Variants in ZAN observed in about 807,000 individuals in gnomAD.
The protein encoded by ZAN is zonadhesin (gene/pseudogene).
ZAN carries 260 observed loss-of-function variants against 286.2 expected under a neutral mutation model. That is an observed-to-expected ratio of 0.91 (90% CI 0.82 to 1.01). The LOEUF (loss-of-function observed/expected upper bound fraction) is 1.01. Ranked by LOEUF, ZAN falls within the 50% of genes least tolerant of loss-of-function variation. The pLI, the probability that ZAN is intolerant of heterozygous loss-of-function variation, is 0.00. For missense variants in ZAN, 3,410 were observed against 3,639.2 expected (o/e 0.94, Z 1.62); for synonymous variants, 1,368 against 1,417.5 (o/e 0.97, Z 0.79).
chr7:100,791,053 T>TCAA lies in ZAN; in HGVS notation c.7472_7474dup (p.Asn2491dup). 1 of 1,612,952 alleles carries TCAA rather than the reference T, an allele frequency of 6.2e-7. No homozygotes were observed. Among genetic ancestry groups the TCAA allele is most frequent in the African/African-American group, 1.3e-5 (1 of 74,886 alleles). ...CCCAGTGGCGCCCTGACCCAGAACC[T>TCAA]CAACACCTTTGGCAACAGCTGGGAG... On this transcript the variant is annotated inframe_insertion, in exon 40 of 48. Coordinates refer to ENST00000613979, the MANE Select transcript of ZAN (RefSeq NM_003386.3).
rs79558495 is a variant in ZAN at position 100,767,812 on chromosome 7, G to A, written c.4861-19G>A. On this transcript the variant is annotated intron_variant, in intron 25 of 47. Transcript: ENST00000613979. Reference sequence around the variant, plus strand: ...GTTCTTTCCTGACTCTCCTTTCTACGTCCTCCCTGCCTCTGCAGCTGAATG... The same window carrying A: ...GTTCTTTCCTGACTCTCCTTTCTACATCCTCCCTGCCTCTGCAGCTGAATG... 0.041 allele frequency: 65,099 copies of A among 1,603,394 alleles called. 1,734 individuals carry two copies. Among genetic ancestry groups the A allele is most frequent in the Middle Eastern group, 0.12 (733 of 6,014 alleles).
At chr7:100,769,858 G>T in intron 27 of ZAN, 22 bp from the exon 28 acceptor site, 1 of 1,550,826 alleles carries the variant, frequency 6.4e-7, no homozygotes, top group East Asian at 2.4e-5. Flanking sequence ...GTAGCCCTCA[G>T]TTTCTATTCT....
At chr7:100,761,160 T>C (rs893622946) in intron 19 of ZAN, among the ~76,000 whole-genome samples, 6 of 152,084 alleles carry the variant, frequency 3.9e-5, no homozygotes, top group African/African-American at 1.4e-4. Context: ...TCCCAAAGTC[T>C]TGGAATTACA....
intron 4 of ZAN, 27 bp downstream of exon 4, chr7:100,736,656 C>T (rs1247797647): frequency 2.0e-6 from 3 of 1,518,452 alleles, no homozygotes; most frequent in Admixed American, 3.5e-5. Flanking sequence ...TCCAGGGGAC[C>T]ATGAGCAGGG....
At chr7:100,795,061 C>G in intron 44 of ZAN, 135 bp from the exon 45 acceptor site, 1 of 1,155,092 alleles carries the variant, frequency 8.7e-7, no homozygotes, top group Non-Finnish European at 1.2e-6. Flanking sequence ...GGTTGGGAGC[C>G]AGGCTGGCTG....
chr7:100,772,651 C>G (rs1206580697), intron 29 of ZAN, among the ~76,000 whole-genome samples: 3 of 151,702 alleles, frequency 2.0e-5, no homozygotes, highest in Non-Finnish European at 2.9e-5. Flanking sequence ...GAAACCCCGT[C>G]TCTACCAAAA....
Position 100,775,391 on chromosome 7 carries a change from C to A in ZAN, c.5843C>A (p.Ser1948Tyr), listed in dbSNP as rs763025312. The A allele has an allele frequency of 6.2e-7, 1 of 1,613,918 alleles. No homozygotes were observed. Among genetic ancestry groups the A allele is most frequent in the South Asian group, 1.1e-5 (1 of 91,076 alleles). ...HYVSFDGSNHSIPDACTLVLV... is the reference protein window; with the variant it reads ...HYVSFDGSNHYIPDACTLVLV... ...GTGAGCTTTGATGGTAGTAACCATTCTATCCCGGACGCCTGCACTCTTGTC... is the reference window on the plus strand; with the variant it reads ...GTGAGCTTTGATGGTAGTAACCATTATATCCCGGACGCCTGCACTCTTGTC... The change falls in exon 32 of 48, where the codon TCT (serine) becomes TAT (tyrosine). Residue 1948 changes from serine (S) to tyrosine (Y), a missense_variant. By Grantham distance (144) the Ser-to-Tyr change is moderately radical. Around this residue, in one of 7 missense-constraint regions of ZAN, gnomAD observed 1,289 missense variants for 1,314.3 expected, o/e 0.98. Coordinates refer to ENST00000613979, the MANE Select transcript of ZAN (RefSeq NM_003386.3).
rs1562959041 is a variant in ZAN, at chr7:100,792,399, C to CA, written c.7713-5dup. Reference sequence around the variant, plus strand: ...CTGTGCCCTTCCTGCCCCCTCTCTGCACCAGGCACTGCGTGCTGGATCTGT... The same window carrying CA: ...CTGTGCCCTTCCTGCCCCCTCTCTGCAACCAGGCACTGCGTGCTGGATCTGT... On this transcript the variant is annotated splice_polypyrimidine_tract_variant and splice_region_variant and intron_variant, in intron 41 of 47. Coordinates refer to ENST00000613979, the MANE Select transcript of ZAN (RefSeq NM_003386.3). The CA allele has an allele frequency of 6.2e-7, 1 of 1,606,684 alleles. No individual in the cohort carries two copies. Among genetic ancestry groups the CA allele is most frequent in the Non-Finnish European group, 8.5e-7 (1 of 1,175,288 alleles).
In ZAN at chr7:100,786,071, C is replaced by T. The variant is rs753615253; in HGVS notation, c.6909C>T (p.Asp2303=). The part of the protein sequence containing the change: ...VCTGGAIQCG[D]FRCPSGSHCQ... ...CGGGAGGAGCCATTCAGTGCGGGGA[C>T]TTCCGATGCCCCTCTGGGTCCCACT... Residue 2303 remains aspartate (D), a synonymous_variant, in exon 37 of 48, where the codon GAC becomes GAT. Transcript: ENST00000613979. 5 of 1,614,036 alleles carry T rather than the reference C, an allele frequency of 3.1e-6. No homozygotes were observed. In the South Asian group the frequency reaches 5.5e-5, roughly 18 times the overall value.
At position 100,753,092 on chromosome 7, in the gene ZAN, A is replaced by G; in HGVS notation, c.2987A>G (p.Lys996Arg). The change falls in exon 14 of 48, where the codon AAG (lysine) becomes AGG (arginine). Residue 996 changes from lysine (K) to arginine (R), a missense_variant. By Grantham distance (26) the Lys-to-Arg change is conservative. Transcript: ENST00000613979. ...GAAAAACCCACCATTCCCACAGAGA[A>G]GCTCACAGCCCTGAGGCCACCCCAT... is the stretch of plus-strand genomic sequence containing the variant. Reference protein sequence around the residue: ...PTEKPTIPTEKLTALRPPHPS... With the variant: ...PTEKPTIPTERLTALRPPHPS... 1.2e-6 allele frequency: 2 copies of G among 1,613,954 alleles called. No individual in the cohort carries two copies. Among genetic ancestry groups the G allele is most frequent in the Non-Finnish European group, 1.7e-6 (2 of 1,179,880 alleles).
chr7:100,748,240 G>A (rs773864469), intron 10 of ZAN, 25 bp downstream of exon 10: 31 of 1,613,698 alleles, frequency 1.9e-5, no homozygotes, highest in Admixed American at 1.5e-4. Context: ...TGAGAGGCCC[G>A]GATCTCTCAG....
Position 100,738,579 on chromosome 7 carries a change from C to T in ZAN, c.732C>T (p.Gly244=), listed in dbSNP as rs780809483. The T allele has an allele frequency of 4.6e-5, 70 of 1,517,624 alleles. 14 individuals carry two copies. The highest frequency in any genetic ancestry group is 5.7e-5 in the Non-Finnish European group (63 of 1,105,098). The allele number at this position is 1,517,624 out of a possible 1,614,324, so 94.0% of individuals were successfully genotyped here. A position where few individuals can be genotyped will look rare whatever the true frequency, so the allele number is the denominator to read the frequency against. ...AGAAAGGGTCATCAGGAAAGCCAGGCGTGGGGCCTGATGGCGACTTCTCTA... is the reference window on the plus strand; with the variant it reads ...AGAAAGGGTCATCAGGAAAGCCAGGTGTGGGGCCTGATGGCGACTTCTCTA... ...TQKKGSSGKP[G]VGPDGDFSSP... Residue 244 remains glycine (G), a synonymous_variant, in exon 7 of 48, where the codon GGC becomes GGT. Transcript: ENST00000613979.
rs1336138119 is a variant in ZAN at position 100,738,263 on chromosome 7, T to C, written c.614-198T>C. 1.4e-5 allele frequency among the ~76,000 whole-genome samples: 2 copies of C among 140,162 alleles called. 1 individual carries two copies. 92.0% of individuals were successfully genotyped at this position (140,162 alleles called of 152,430 possible). On this transcript the variant is annotated intron_variant, in intron 6 of 47. Coordinates refer to ENST00000613979, the MANE Select transcript of ZAN (RefSeq NM_003386.3). ...TTAAGTCACCGTGCCAAGAACTTTT[T>C]AAAAATTAGCTCGGCATGGTGGCGC...
chr7:100,772,868 TTG>T (rs1810474432), intron 29 of ZAN, among the ~76,000 whole-genome samples: 1 of 150,098 alleles, frequency 6.7e-6, no homozygotes, highest in Admixed American at 6.6e-5. Flanking sequence ...TGTTTTTTTT[TTG>T]TTTGTTTTTT....
At position 100,792,399 on chromosome 7, in the gene ZAN, C is replaced by A; in HGVS notation, c.7713-6C>A. On this transcript the variant is annotated splice_polypyrimidine_tract_variant and splice_region_variant and intron_variant, in intron 41 of 47. Transcript: ENST00000613979. ...CTGTGCCCTTCCTGCCCCCTCTCTG[C>A]ACCAGGCACTGCGTGCTGGATCTGT... The A allele has an allele frequency of 6.2e-7, 1 of 1,606,682 alleles. No homozygotes were observed. The highest frequency in any genetic ancestry group is 8.5e-7 in the Non-Finnish European group (1 of 1,175,288).
chr7:100,776,727 T>TTTTTTTC (rs1810838632), intron 34 of ZAN, among the ~76,000 whole-genome samples, 163 bp downstream of exon 34: 1 of 98,364 alleles, frequency 1.0e-5, no homozygotes, highest in African/African-American at 4.0e-5. Context: ...TCTTTTTTTT[T>TTTTTTTC]TTTTTTTTTT....
rs117343214 is a variant in ZAN, at chr7:100,792,689, C to T, written c.7787+210C>T. 614 of 1,302,028 alleles carry T rather than the reference C, an allele frequency of 4.7e-4. 9 individuals carry two copies. The East Asian group carries it at 0.014, about 29-fold the overall frequency. The allele number at this position is 1,302,028 out of a possible 1,614,324, so 80.7% of individuals were successfully genotyped here. The stretch of plus-strand genomic sequence containing the variant: ...TTCTGCCTTAGTCCCAGGTCCAAGT[C>T]AGCACAACCGGCAGCCTGGCTCCTT... On this transcript the variant is annotated intron_variant, in intron 42 of 47. Transcript: ENST00000613979.
At chr7:100,760,968 C>T (rs1809534899) in intron 19 of ZAN, among the ~76,000 whole-genome samples, 1 of 152,128 alleles carries the variant, frequency 6.6e-6, no homozygotes, top group Non-Finnish European at 1.5e-5. Flanking sequence ...GCTATCTCGG[C>T]TCACTGCAAC....
At chr7:100,748,866 G>GA (rs1046245591) in intron 11 of ZAN, among the ~76,000 whole-genome samples, 86 of 143,414 alleles carry the variant, frequency 6.0e-4, no homozygotes, top group African/African-American at 2.0e-3. Flanking sequence ...CCCATCTCTA[G>GA]AAAAAAAAAT....
Sources: gnomAD v4.1 joint callset for allele counts (sites outside exome capture counted in the v4.1 genomes callset) on GRCh38, gnomAD v4.1.1 for gene constraint, gnomAD v4.1.1 regional missense constraint, MANE v1.5 for transcripts, NCBI Gene and HGNC (gene_info 2026-07-23, HGNC 2026-07-21) for gene names.